Variants in EYS observed in about 807,000 individuals in gnomAD.
EYS encodes EGF-like photoreceptor maintenance factor.
Under a neutral mutation model 282.1 loss-of-function variants are expected in EYS, and 250 were observed. The observed-to-expected ratio is 0.89, with a 90% CI of 0.80 to 0.98. EYS has a LOEUF of 0.98. Among genes scored for constraint, EYS ranks in the 50% least tolerant of loss-of-function variants. The probability of loss-of-function intolerance (pLI) is 0.00; values close to 1 mark genes in which losing one functional copy is unlikely to be tolerated. For missense variants in EYS, 4,016 were observed against 3,709.0 expected, an observed-to-expected ratio of 1.08 and a Z score of -2.15; for synonymous variants, 1,355 against 1,282.9, an observed-to-expected ratio of 1.06 and a Z score of -1.20.
At chr6:64,783,373 A>G (rs1021129712) in intron 22 of EYS, among the ~76,000 whole-genome samples, 1 of 151,318 alleles carries the variant, frequency 6.6e-6, no homozygotes, top group Admixed American at 6.6e-5. Flanking sequence ...TTATATATAC[A>G]TAATATAATT....
intron 1 of EYS, among the ~76,000 whole-genome samples, chr6:65,645,394 T>C (rs1469638945): frequency 1.3e-5 from 2 of 152,102 alleles, no homozygotes; most frequent in Admixed American, 6.5e-5. Context: ...TTCAAAACCA[T>C]GCAAATACAT....
intron 26 of EYS, among the ~76,000 whole-genome samples, chr6:64,449,137 T>C (rs1454293324): frequency 1.3e-5 from 2 of 152,112 alleles, no homozygotes; most frequent in South Asian, 4.1e-4. Context: ...ATAACTAGAA[T>C]AACCAATGCA....
chr6:64,000,341 G>A (rs1456744214), intron 33 of EYS, among the ~76,000 whole-genome samples: 3 of 150,744 alleles, frequency 2.0e-5, no homozygotes, highest in East Asian at 2.0e-4. Flanking sequence ...ACAGGCGCCC[G>A]CCACCACGCC....
intron 32 of EYS, among the ~76,000 whole-genome samples, chr6:64,068,074 T>G: frequency 6.6e-6 from 1 of 152,142 alleles, no homozygotes; most frequent in East Asian, 1.9e-4. Context: ...TTGCCAGTTT[T>G]CCAAAATAAT....
At chr6:64,388,016 G>A (rs1280410403) in intron 29 of EYS, among the ~76,000 whole-genome samples, 1 of 151,974 alleles carries the variant, frequency 6.6e-6, no homozygotes, top group Non-Finnish European at 1.5e-5. Context: ...CAGGTAAAAT[G>A]CAATGGTAAA....
At chr6:65,439,092 C>A (rs1768199058) in intron 5 of EYS, among the ~76,000 whole-genome samples, 1 of 152,152 alleles carries the variant, frequency 6.6e-6, no homozygotes, top group African/African-American at 2.4e-5. Flanking sequence ...GTTTTCCCTG[C>A]ACCATTTATT....
intron 5 of EYS, among the ~76,000 whole-genome samples, chr6:65,486,958 T>C (rs1392292262): frequency 6.6e-6 from 1 of 152,222 alleles, no homozygotes; most frequent in Non-Finnish European, 1.5e-5. Context: ...AGTTCACTCA[T>C]GATTTGGCTC....
At chr6:64,286,674 C>T (rs73766050) in intron 30 of EYS, among the ~76,000 whole-genome samples, 5,804 of 152,136 alleles carry the variant, frequency 0.038, 357 homozygotes, top group African/African-American at 0.13. Context: ...GGTAGATTTC[C>T]TTTAACATGC....
At chr6:65,229,711 G>A (rs1426584927) in intron 12 of EYS, among the ~76,000 whole-genome samples, 1 of 151,870 alleles carries the variant, frequency 6.6e-6, no homozygotes, top group African/African-American at 2.4e-5. Flanking sequence ...AATCAGAGGA[G>A]GGTGAAGAAA....
At chr6:64,401,194 T>C (rs780932187) in intron 28 of EYS, among the ~76,000 whole-genome samples, 3 of 152,106 alleles carry the variant, frequency 2.0e-5, no homozygotes, top group Non-Finnish European at 4.4e-5. Context: ...AATTCCATCG[T>C]GTTGGAAATC....
rs184087787 is a variant in EYS at position 64,909,850 on chromosome 6, C to T, written c.2641+2634G>A. Among the ~76,000 whole-genome samples the T allele has an allele frequency of 6.2e-4, 95 of 152,214 alleles. 1 individual carries two copies. Among genetic ancestry groups the T allele is most frequent in the African/African-American group, 1.8e-3 (74 of 41,534 alleles). On this transcript the variant is annotated intron_variant, in intron 16 of 42. Transcript: ENST00000503581. ...CTTACCTGCTAAGCATGCAGTCTGACGTAAACCCAAAAGTATCAGTTATTC... is the reference window on the plus strand; with the variant it reads ...CTTACCTGCTAAGCATGCAGTCTGATGTAAACCCAAAAGTATCAGTTATTC...
chr6:63,890,495 A>AC (rs1160897797), intron 35 of EYS, among the ~76,000 whole-genome samples: 1 of 152,268 alleles, frequency 6.6e-6, no homozygotes, highest in Non-Finnish European at 1.5e-5. Flanking sequence ...CTGAATGACT[A>AC]CTGGGTAAAT....
chr6:64,250,369 A>G (rs922136234), intron 30 of EYS, among the ~76,000 whole-genome samples: 1 of 152,210 alleles, frequency 6.6e-6, no homozygotes, highest in Non-Finnish European at 1.5e-5. Context: ...ACCTGGGGGC[A>G]GCTAGCAGAA....
chr6:65,608,764 C>T (rs571167327), intron 2 of EYS, among the ~76,000 whole-genome samples: 7 of 151,958 alleles, frequency 4.6e-5, no homozygotes, highest in East Asian at 1.9e-4. Context: ...GATTTATTTT[C>T]GTTTGTAGTT....
At chr6:64,764,451 C>T (rs1461949359) in intron 22 of EYS, among the ~76,000 whole-genome samples, 1 of 152,216 alleles carries the variant, frequency 6.6e-6, no homozygotes, top group Non-Finnish European at 1.5e-5. Flanking sequence ...CTGCAGGGTG[C>T]CATGTCTCAT....
chr6:64,673,705 A>G (rs1441400956), intron 22 of EYS, among the ~76,000 whole-genome samples: 2 of 152,082 alleles, frequency 1.3e-5, no homozygotes, highest in African/African-American at 2.4e-5. Context: ...TAATCAGAAG[A>G]GACAATCTTT....
intron 19 of EYS, among the ~76,000 whole-genome samples, chr6:64,884,118 A>C (rs1767009099): frequency 6.6e-6 from 1 of 151,622 alleles, no homozygotes; most frequent in Non-Finnish European, 1.5e-5. Flanking sequence ...TGATTTAGAT[A>C]ATTAAGAATC....
intron 4 of EYS, chr6:65,491,545 C>A (rs913255241): frequency 9.4e-6 from 4 of 426,176 alleles, no homozygotes; most frequent in Non-Finnish European, 1.9e-5. Flanking sequence ...GACATCCCTG[C>A]CTCACTAATG....
chr6:65,012,319 T>TA (rs1429374915), intron 13 of EYS, among the ~76,000 whole-genome samples: 1 of 152,196 alleles, frequency 6.6e-6, no homozygotes, highest in Non-Finnish European at 1.5e-5. Flanking sequence ...CATTATTATT[T>TA]GAGTGTCAGT....
Sources: gnomAD v4.1 joint callset for allele counts (sites outside exome capture counted in the v4.1 genomes callset) on GRCh38, gnomAD v4.1.1 for gene constraint, MANE v1.5 for transcripts, NCBI Gene and HGNC (gene_info 2026-07-23, HGNC 2026-07-21) for gene names.